EPM2A: variants seen among roughly 807,000 people sequenced by gnomAD.
EPM2A encodes the protein laforin.
In EPM2A, 21 loss-of-function variants were observed where a neutral mutation model predicts 26.5. The observed-to-expected ratio is 0.79, with a 90% confidence interval of 0.56 to 1.14. The LOEUF (loss-of-function observed/expected upper bound fraction) is 1.14, where lower values mean the gene tolerates loss of function less well. Among genes scored for constraint, EPM2A ranks in the 50% most tolerant of loss-of-function variants. The pLI, the probability that EPM2A is intolerant of heterozygous loss-of-function variation, is 0.00. For missense variants in EPM2A, 458 were observed against 440.8 expected (o/e 1.04, Z -0.35); for synonymous variants, 217 against 177.6 (o/e 1.22, Z -1.76).
At chr6:145,522,268 T>G (rs1353784737) in intron 2 of EPM2A, among the ~76,000 whole-genome samples, 1 of 152,146 alleles carries the variant, frequency 6.6e-6, no homozygotes, top group Non-Finnish European at 1.5e-5. Flanking sequence ...TGCATGTTTT[T>G]ATAACTTTCT....
At chr6:145,469,984 G>A (rs187804351) in intron 4 of EPM2A, among the ~76,000 whole-genome samples, 130 of 152,118 alleles carry the variant, frequency 8.5e-4, no homozygotes, top group African/African-American at 3.0e-3. Context: ...AATTGAACTC[G>A]TGAAGACAGA....
chr6:145,677,056 C>T (rs914340494), intron 2 of EPM2A, among the ~76,000 whole-genome samples: 2 of 152,158 alleles, frequency 1.3e-5, no homozygotes. Context: ...CAAACCAAAT[C>T]CAGCAGCACA....
chr6:145,599,770 T>C lies in EPM2A; in HGVS notation c.340+35475A>G, dbSNP rs371568481. Reference sequence around the variant, plus strand: ...TGAGCATGGATTTTATCTAGGACAATTGAGTGGGTAAATTTCTTTTTAATG... The same window carrying C: ...TGAGCATGGATTTTATCTAGGACAACTGAGTGGGTAAATTTCTTTTTAATG... On this transcript the variant is annotated intron_variant, in intron 2 of 3. Coordinates refer to the EPM2A transcript ENST00000450221. Among the ~76,000 whole-genome samples, 72 of 152,142 alleles carry C rather than the reference T, an allele frequency of 4.7e-4. 1 individual carries two copies. In the South Asian group the frequency reaches 0.011, roughly 23 times the overall value.
At chr6:145,411,667 A>AT (rs535689577) in intron 4 of EPM2A, among the ~76,000 whole-genome samples, 14 of 152,202 alleles carry the variant, frequency 9.2e-5, no homozygotes, top group Admixed American at 3.3e-4. Context: ...AAGTACAATG[A>AT]TACCCATGGA....
At chr6:145,674,268 T>A (rs1054288903) in intron 2 of EPM2A, among the ~76,000 whole-genome samples, 1 of 152,018 alleles carries the variant, frequency 6.6e-6, no homozygotes, top group Admixed American at 6.6e-5. Flanking sequence ...AAAAAGGACA[T>A]CTACACCAAA....
At chr6:145,442,946 C>T (rs189905572) in intron 4 of EPM2A, among the ~76,000 whole-genome samples, 6 of 152,040 alleles carry the variant, frequency 3.9e-5, no homozygotes, top group East Asian at 1.9e-4. Flanking sequence ...CTGCAAGCTG[C>T]GCCTCCTGGG....
intron 4 of EPM2A, among the ~76,000 whole-genome samples, chr6:145,414,415 G>A (rs2114677677): frequency 6.6e-6 from 1 of 151,944 alleles, no homozygotes; most frequent in South Asian, 2.1e-4. Flanking sequence ...GGGTGGCAAA[G>A]ATTATCATAG....
chr6:145,553,890 GTAA>G (rs1424303432), intron 2 of EPM2A, among the ~76,000 whole-genome samples: 2 of 147,872 alleles, frequency 1.4e-5, no homozygotes, highest in East Asian at 2.0e-4. Context: ...TATATATCAA[GTAA>G]TAATAACATT....
chr6:145,595,468 T>C (rs1781330042), intron 2 of EPM2A, among the ~76,000 whole-genome samples: 1 of 137,454 alleles, frequency 7.3e-6, no homozygotes, highest in Admixed American at 7.0e-5. Flanking sequence ...TTTAATCAAA[T>C]TCTCAGAAAA....
intron 2 of EPM2A, among the ~76,000 whole-genome samples, chr6:145,545,556 T>C (rs527720311): frequency 1.2e-4 from 18 of 152,304 alleles, no homozygotes; most frequent in Admixed American, 2.6e-4. Flanking sequence ...GAAGTGATAA[T>C]ACAGTTCACC....
chr6:145,600,599 C>T (rs1173379051), intron 2 of EPM2A, among the ~76,000 whole-genome samples: 1 of 152,188 alleles, frequency 6.6e-6, no homozygotes, highest in African/African-American at 2.4e-5. Context: ...CAGTTCCAAT[C>T]AACCCTTCGT....
chr6:145,594,124 T>C (rs1466242022), intron 2 of EPM2A, among the ~76,000 whole-genome samples: 1 of 151,876 alleles, frequency 6.6e-6, no homozygotes, highest in East Asian at 1.9e-4. Context: ...AAAGGAATTC[T>C]GAAAAAACAA....
chr6:145,735,758 C>T (rs1583158174), upstream of EPM2A: 3 of 470,258 alleles, frequency 6.4e-6, no homozygotes, highest in African/African-American at 6.3e-5. Flanking sequence ...TTGATTTCCA[C>T]CTGTGGGCGC....
At chr6:145,705,697 A>G (rs916394560) in intron 1 of EPM2A, 6 of 403,926 alleles carry the variant, frequency 1.5e-5, no homozygotes, top group Non-Finnish European at 3.0e-5. Flanking sequence ...AATAGCAACA[A>G]TTTCTTGGCA....
chr6:145,594,208 C>T (rs574901127), intron 2 of EPM2A, among the ~76,000 whole-genome samples: 1 of 151,648 alleles, frequency 6.6e-6, no homozygotes, highest in Non-Finnish European at 1.5e-5. Flanking sequence ...CCAAAGCTCA[C>T]ACAAGGAGAA....
intron 4 of EPM2A, among the ~76,000 whole-genome samples, chr6:145,395,088 C>A (rs1366796782): frequency 2.5e-5 from 3 of 122,226 alleles, no homozygotes; most frequent in African/African-American, 9.2e-5. Context: ...CAGGGCTAAA[C>A]AACAACCCTT....
chr6:145,492,111 G>C, intron 4 of EPM2A: 1 of 241,582 alleles, frequency 4.1e-6, no homozygotes, highest in South Asian at 4.8e-5. Flanking sequence ...GGTTGCCCTA[G>C]TTCATGGTCT....
At chr6:145,501,981 A>G (rs921808138) in intron 3 of EPM2A, 1 of 403,796 alleles carries the variant, frequency 2.5e-6, no homozygotes, top group Non-Finnish European at 5.0e-6. Flanking sequence ...AGTAAAAGGA[A>G]GAGTCTCGAA....
intron 4 of EPM2A, among the ~76,000 whole-genome samples, chr6:145,474,445 G>C (rs2114728122): frequency 6.6e-6 from 1 of 152,192 alleles, no homozygotes; most frequent in South Asian, 2.1e-4. Context: ...CTGGGTGACA[G>C]AGAGAGACTC....
Sources: gnomAD v4.1 joint callset for allele counts (sites outside exome capture counted in the v4.1 genomes callset) on GRCh38, gnomAD v4.1.1 for gene constraint, MANE v1.5 for transcripts, NCBI Gene and HGNC (gene_info 2026-07-23, HGNC 2026-07-21) for gene names.